OTOGL: variants seen among roughly 807,000 people sequenced by gnomAD.
The protein encoded by OTOGL is otogelin like.
Under a neutral mutation model 318.5 loss-of-function variants are expected in OTOGL, and 285 were observed. The observed-to-expected ratio is 0.89, with a 90% CI of 0.81 to 0.99. The LOEUF is 0.99. Ranked by LOEUF, OTOGL falls within the 50% of genes least tolerant of loss-of-function variation. The pLI is 0.00. For synonymous variants in OTOGL, 987 were observed against 936.5 expected (o/e 1.05, Z -0.99); for missense variants, 2,899 against 2,845.6 (o/e 1.02, Z -0.43).
rs139998217 is a variant in OTOGL, at chr12:80,267,004, G to C, written c.2391-249G>C. Among the ~76,000 whole-genome samples, 439 of 152,210 alleles carry C rather than the reference G, an allele frequency of 2.9e-3. 6 individuals carry two copies. Among genetic ancestry groups the C allele is most frequent in the African/African-American group, 9.9e-3 (413 of 41,530 alleles). ...TATGTTTCTCTGAATTGCATTCAGT[G>C]ATTTTTCTTGTGACTAAAACAACAC... is the stretch of plus-strand genomic sequence containing the variant. On this transcript the variant is annotated intron_variant, in intron 21 of 58. Coordinates refer to ENST00000547103, the MANE Select transcript of OTOGL (RefSeq NM_001378609.3).
chr12:80,150,222 A>G (rs1239903518), intron 1 of OTOGL, among the ~76,000 whole-genome samples: 2 of 152,024 alleles, frequency 1.3e-5, no homozygotes, highest in Non-Finnish European at 2.9e-5. Flanking sequence ...TTTTCTCTTT[A>G]CCTCATTGAG....
At chr12:80,190,196 G>A (rs1349309360) in intron 1 of OTOGL, among the ~76,000 whole-genome samples, 1 of 152,210 alleles carries the variant, frequency 6.6e-6, no homozygotes, top group Non-Finnish European at 1.5e-5. Context: ...GATACTTGCT[G>A]AGTCATTTGT....
At position 80,271,716 on chromosome 12, in the gene OTOGL, G is replaced by C. The variant is rs763912159; in HGVS notation, c.2587G>C (p.Gly863Arg). 6.2e-7 allele frequency: 1 copy of C among 1,613,022 alleles called. No individual in the cohort carries two copies. The highest frequency in any genetic ancestry group is 1.1e-5 in the South Asian group (1 of 91,058). Reference protein sequence around the residue: ...RFPDPELPAGGVNCETTCANL... With the variant: ...RFPDPELPAGRVNCETTCANL... ...TCCTGACCCTGAATTACCAGCTGGT[G>C]GTGTTAATTGTGAGACTACATGTGC... The change falls in exon 24 of 59, where the codon GGT (glycine) becomes CGT (arginine). Residue 863 changes from glycine (G) to arginine (R), a missense_variant. Physicochemically the swap from Gly to Arg is moderately radical, Grantham distance 125. This residue lies in a region of OTOGL where 2,607 missense variants were observed against 2,524.9 expected (regional missense o/e 1.03). Coordinates refer to ENST00000547103, the MANE Select transcript of OTOGL (RefSeq NM_001378609.3).
intron 1 of OTOGL, among the ~76,000 whole-genome samples, chr12:80,204,289 A>G (rs1592543265): frequency 6.6e-6 from 1 of 152,290 alleles, no homozygotes; most frequent in Non-Finnish European, 1.5e-5. Flanking sequence ...TCTTGCCAAT[A>G]TAGGGGAAGC....
chr12:80,210,900 G>T lies in OTOGL; in HGVS notation c.119+14G>T. On this transcript the variant is annotated intron_variant, in intron 3 of 58. Coordinates refer to ENST00000547103, the MANE Select transcript of OTOGL (RefSeq NM_001378609.3). ...GGGAACATCAAAGTGAGTATTTCTT[G>T]TTCTTCGTGTCCTCTAAAACATAAA... is the stretch of plus-strand genomic sequence containing the variant. The T allele has an allele frequency of 6.8e-7, 1 of 1,461,404 alleles. No homozygotes were observed. Among genetic ancestry groups the T allele is most frequent in the Non-Finnish European group, 9.1e-7 (1 of 1,097,234 alleles). The allele number at this position is 1,461,404 out of a possible 1,614,324, so 90.5% of individuals were successfully genotyped here.
intron 52 of OTOGL, among the ~76,000 whole-genome samples, chr12:80,364,703 A>C (rs1890425129): frequency 6.6e-6 from 1 of 152,088 alleles, no homozygotes; most frequent in Non-Finnish European, 1.5e-5. Context: ...TTTACTTAGC[A>C]TAATATTTTG....
intron 35 of OTOGL, among the ~76,000 whole-genome samples, chr12:80,328,399 G>A (rs1887840477): frequency 6.6e-6 from 1 of 152,074 alleles, no homozygotes; most frequent in East Asian, 1.9e-4. Flanking sequence ...TATGGAACAG[G>A]GACTTAGTGT....
chr12:80,331,333 ATTTTTTT>A (rs386377119), intron 37 of OTOGL, among the ~76,000 whole-genome samples: 5 of 81,816 alleles, frequency 6.1e-5, no homozygotes, highest in African/African-American at 1.4e-4. Context: ...AGTCATTAGA[ATTTTTTT>A]TTTTTTTTTT....
intron 4 of OTOGL, among the ~76,000 whole-genome samples, chr12:80,215,793 A>G (rs1315209983): frequency 6.6e-6 from 1 of 152,182 alleles, no homozygotes; most frequent in Non-Finnish European, 1.5e-5. Flanking sequence ...AGGCAGCCAG[A>G]AGCAATGTGG....
intron 1 of OTOGL, among the ~76,000 whole-genome samples, chr12:80,134,246 C>G (rs1202027841): frequency 1.3e-5 from 2 of 152,158 alleles, no homozygotes; most frequent in Admixed American, 6.5e-5. Context: ...GTATTATTTT[C>G]CAAATGAAGT....
At chr12:80,121,785 G>A (rs1198455702) in intron 1 of OTOGL, among the ~76,000 whole-genome samples, 3 of 152,132 alleles carry the variant, frequency 2.0e-5, no homozygotes, top group Admixed American at 6.6e-5. Context: ...GAGGTTCTTC[G>A]TGGGTTTATG....
chr12:80,172,008 A>G (rs960432489), intron 1 of OTOGL, among the ~76,000 whole-genome samples: 19 of 152,064 alleles, frequency 1.2e-4, no homozygotes, highest in African/African-American at 4.3e-4. Context: ...ATAAGTTTTT[A>G]TCTAGGTACT....
Position 80,368,279 on chromosome 12 carries a change from C to A in OTOGL, c.6585C>A (p.His2195Gln). The change falls in exon 55 of 59, where the codon CAC (histidine) becomes CAA (glutamine). Residue 2195 changes from histidine (H) to glutamine (Q), a missense_variant. Around this residue, in one of 3 missense-constraint regions of OTOGL, gnomAD observed 289 missense variants for 304.6 expected, o/e 0.95. Coordinates refer to ENST00000547103, the MANE Select transcript of OTOGL (RefSeq NM_001378609.3). ...GCAAAAATGTATCCTGCAAATTTCA[C>A]ATGGAAAATGGAACATCAGTTGTAT... ...GTCKNVSCKFHMENGTSVVYA... is the reference protein window; with the variant it reads ...GTCKNVSCKFQMENGTSVVYA... The A allele has an allele frequency of 6.3e-7, 1 of 1,598,294 alleles. No homozygotes were observed. Among genetic ancestry groups the A allele is most frequent in the Non-Finnish European group, 8.5e-7 (1 of 1,170,650 alleles).
At chr12:80,308,616 T>G (rs1284633603) in intron 29 of OTOGL, among the ~76,000 whole-genome samples, 6 of 151,468 alleles carry the variant, frequency 4.0e-5, no homozygotes, top group Admixed American at 3.9e-4. Context: ...CAAGGCAGGC[T>G]GCTGGGAGGT....
chr12:80,372,740 G>A (rs972713802), intron 57 of OTOGL, among the ~76,000 whole-genome samples: 1 of 151,700 alleles, frequency 6.6e-6, no homozygotes, highest in Non-Finnish European at 1.5e-5. Context: ...CCAGGCCGGG[G>A]CGTAGTGGCA....
intron 26 of OTOGL, among the ~76,000 whole-genome samples, chr12:80,279,633 T>C (rs147387278): frequency 2.0e-5 from 3 of 151,782 alleles, no homozygotes; most frequent in Non-Finnish European, 4.4e-5. Flanking sequence ...TTCTTTCTTA[T>C]GGCCATGTAA....
At chr12:80,249,769 T>C (rs1881323197) in intron 11 of OTOGL, among the ~76,000 whole-genome samples, 1 of 152,154 alleles carries the variant, frequency 6.6e-6, no homozygotes, top group African/African-American at 2.4e-5. Context: ...CCAGCCTCGC[T>C]GCCGCCTTGC....
At chr12:80,354,746 T>G (rs1336346617) in intron 46 of OTOGL, among the ~76,000 whole-genome samples, 1 of 152,198 alleles carries the variant, frequency 6.6e-6, no homozygotes, top group South Asian at 2.1e-4. Context: ...TCTTTAGAGA[T>G]CTATGAGATT....
intron 52 of OTOGL, among the ~76,000 whole-genome samples, chr12:80,364,260 T>C (rs988386053): frequency 2.6e-5 from 4 of 152,186 alleles, no homozygotes; most frequent in Non-Finnish European, 5.9e-5. Context: ...TCATTGTTCC[T>C]GAGTACTCAC....
Sources: gnomAD v4.1 joint callset for allele counts (sites outside exome capture counted in the v4.1 genomes callset) on GRCh38, gnomAD v4.1.1 for gene constraint, gnomAD v4.1.1 regional missense constraint, MANE v1.5 for transcripts, NCBI Gene and HGNC (gene_info 2026-07-23, HGNC 2026-07-21) for gene names.